The following FLT4 variants were observed in gnomAD, a reference collection of about 807,000 sequenced individuals.
The protein encoded by FLT4 is vascular endothelial growth factor receptor 3.
Under a neutral mutation model 163.2 loss-of-function variants are expected in FLT4, and 30 were observed. The ratio of observed to expected loss-of-function variants is 0.18; its 90% CI spans 0.14 to 0.25. The LOEUF is 0.25. Ranked by LOEUF, FLT4 falls within the 10% of genes least tolerant of loss-of-function variation. The probability of loss-of-function intolerance (pLI) is 1.00; values close to 1 mark genes in which losing one functional copy is unlikely to be tolerated. For synonymous variants in FLT4, 884 were observed against 789.5 expected (o/e 1.12, Z -2.01); for missense variants, 1,510 against 1,863.8 (o/e 0.81, Z 3.50).
In FLT4 at chr5:180,649,430, G is replaced by C. The variant is rs939476976; in HGVS notation, c.58+58C>G. On this transcript the variant is annotated intron_variant, in intron 1 of 29. Transcript: ENST00000261937. ...GTCTCAGCGCCCGCCCCAGGTGCGC[G>C]GTACCCCCTCCCCGGCCAGCCCCAC... 6.8e-6 allele frequency: 9 copies of C among 1,320,876 alleles called. No homozygotes were observed. The African/African-American group carries it at 1.1e-4, about 16-fold the overall frequency. 81.8% of individuals were successfully genotyped at this position (1,320,876 alleles called of 1,614,324 possible). A position where few individuals can be genotyped will look rare whatever the true frequency, so the allele number is the denominator to read the frequency against.
intron 29 of FLT4, among the ~76,000 whole-genome samples, chr5:180,606,926 A>AAAAAAAAAAT: frequency 6.6e-6 from 1 of 150,600 alleles, no homozygotes; most frequent in African/African-American, 2.4e-5. Context: ...CAAACAAACA[A>AAAAAAAAAAT]ACTTAGCTGG....
chr5:180,631,533 AC>A (rs1471655531), intron 2 of FLT4, 148 bp downstream of exon 2: 1 of 700,340 alleles, frequency 1.4e-6, no homozygotes, highest in Non-Finnish European at 2.6e-6. Context: ...GACCGAAGTC[AC>A]CCACAGCCTG....
At position 180,643,750 on chromosome 5, in the gene FLT4, C is replaced by T. The variant is rs1210672818; in HGVS notation, c.58+5738G>A. 7.2e-5 allele frequency among the ~76,000 whole-genome samples: 11 copies of T among 152,210 alleles called. 1 individual carries two copies. The East Asian group carries it at 9.6e-4, about 13-fold the overall frequency. ...GTGCTGCTTCCCCAGCGTCTCACAC[C>T]GAGGCTCCCCACCCAGGACTCCTGC... On this transcript the variant is annotated intron_variant, in intron 1 of 29. Transcript: ENST00000261937.
intron 1 of FLT4, among the ~76,000 whole-genome samples, chr5:180,645,458 C>T (rs1469720146): frequency 2.0e-5 from 3 of 152,228 alleles, no homozygotes; most frequent in African/African-American, 7.2e-5. Flanking sequence ...GGTGGCCCCC[C>T]AGTGCTGCTA....
At chr5:180,646,766 C>T (rs1375598111) in intron 1 of FLT4, among the ~76,000 whole-genome samples, 1 of 152,188 alleles carries the variant, frequency 6.6e-6, no homozygotes, top group Non-Finnish European at 1.5e-5. Context: ...GAACTGCAGG[C>T]TCCTTCCCTG....
intron 11 of FLT4, 79 bp from the exon 12 acceptor site, chr5:180,622,918 G>T: frequency 3.5e-6 from 3 of 849,292 alleles, no homozygotes; most frequent in Non-Finnish European, 3.8e-6. Context: ...CAAGGAGGTC[G>T]CTGTGCACCA....
intron 1 of FLT4, among the ~76,000 whole-genome samples, chr5:180,635,747 G>A (rs1581696454): frequency 2.3e-5 from 1 of 42,868 alleles, no homozygotes; most frequent in East Asian, 8.1e-4. Flanking sequence ...ATGGATGGAT[G>A]GATGGGTGGA....
chr5:180,611,432 T>C lies in FLT4; in HGVS notation c.3585A>G (p.Glu1195=). The change falls in exon 27 of 30, where the codon GAA becomes GAG. Residue 1195 remains glutamate, a synonymous_variant. Coordinates refer to ENST00000261937, the MANE Select transcript of FLT4 (RefSeq NM_182925.5). Reference sequence around the variant, plus strand: ...TGGACACCTGCGAGAAGCTGCCCTCTTCTGAGCTCTGAGAGCTGCGCGGGG... The same window carrying C: ...TGGACACCTGCGAGAAGCTGCCCTCCTCTGAGCTCTGAGAGCTGCGCGGGG... ...CMAPRSSQSS[E]EGSFSQVSTM... 6.2e-7 allele frequency: 1 copy of C among 1,613,976 alleles called. No individual in the cohort carries two copies. The highest frequency in any genetic ancestry group is 8.5e-7 in the Non-Finnish European group (1 of 1,179,968).
In FLT4 at chr5:180,618,886, G is replaced by T; in HGVS notation, c.2885C>A (p.Ala962Asp). Residue 962 changes from alanine to aspartate, a missense_variant, in exon 21 of 30, where the codon GCC (alanine) becomes GAC (aspartate). Ala to Asp is a moderately radical substitution (Grantham distance 126, BLOSUM62 -2). Coordinates refer to ENST00000261937, the MANE Select transcript of FLT4 (RefSeq NM_182925.5). ...ATCCAGCCTGGCGAGCTCCACCATG[G>T]CGCGGAAGCGTCCGCGCTGCTCGGG... ...KSPEQRGRFRAMVELARLDRR... is the reference protein window; with the variant it reads ...KSPEQRGRFRDMVELARLDRR... The T allele has an allele frequency of 6.3e-7, 1 of 1,587,706 alleles. No individual in the cohort carries two copies. The highest frequency in any genetic ancestry group is 8.6e-7 in the Non-Finnish European group (1 of 1,167,796).
At position 180,623,304 on chromosome 5, in the gene FLT4, C is replaced by T. The variant is rs1763316892; in HGVS notation, c.1549-465G>A. Among the ~76,000 whole-genome samples, 1 of 152,108 alleles carries T rather than the reference C, an allele frequency of 6.6e-6. No individual in the cohort carries two copies. Among genetic ancestry groups the T allele is most frequent in the African/African-American group, 2.4e-5 (1 of 41,416 alleles). On this transcript the variant is annotated intron_variant, in intron 11 of 29. Transcript: ENST00000261937. The surrounding 1 kb of genome is among the most constrained non-coding windows in gnomAD (Gnocchi z 5.8). ...CTCAGCCCAGAACTGTCCTCAGCAGCAATCCCGAGGCCCAGGGTTATTGAG... is the reference window on the plus strand; with the variant it reads ...CTCAGCCCAGAACTGTCCTCAGCAGTAATCCCGAGGCCCAGGGTTATTGAG...
At chr5:180,628,493 T>A (rs1340462428) in intron 8 of FLT4, among the ~76,000 whole-genome samples, 1 of 152,128 alleles carries the variant, frequency 6.6e-6, no homozygotes, top group East Asian at 1.9e-4. Flanking sequence ...GACAGAAGGG[T>A]CCTGGGAGAG....
rs1412696082 is a variant in FLT4 at position 180,625,963 on chromosome 5, G to C, written c.1327C>G (p.Leu443Val). ...GGCACCCCGTAGGCCGTGCAGGTGAGGGCCTGGCGGCTGTGACGCGAGTAG... is the reference window on the plus strand; with the variant it reads ...GGCACCCCGTAGGCCGTGCAGGTGACGGCCTGGCGGCTGTGACGCGAGTAG... Reference protein sequence around the residue: ...SIYSRHSRQALTCTAYGVPLP... With the variant: ...SIYSRHSRQAVTCTAYGVPLP... The change falls in exon 10 of 30, where the codon CTC becomes GTC. Residue 443 changes from leucine to valine, a missense_variant. Transcript: ENST00000261937. 1 of 1,612,810 alleles carries C rather than the reference G, an allele frequency of 6.2e-7. No individual in the cohort carries two copies. The highest frequency in any genetic ancestry group is 8.5e-7 in the Non-Finnish European group (1 of 1,179,966).
At chr5:180,625,064 C>T (rs995856955) in intron 10 of FLT4, among the ~76,000 whole-genome samples, 1 of 152,216 alleles carries the variant, frequency 6.6e-6, no homozygotes, top group African/African-American at 2.4e-5. Context: ...GAGCCTCCCC[C>T]ACTGACCACA....
intron 8 of FLT4, 109 bp from the exon 9 acceptor site, chr5:180,626,374 G>T: frequency 8.0e-7 from 1 of 1,253,098 alleles, no homozygotes; most frequent in South Asian, 1.2e-5. Flanking sequence ...GCTGGCAGGA[G>T]TGCAGGGTAG....
At chr5:180,606,029 T>C (rs1374265768) in intron 29 of FLT4, among the ~76,000 whole-genome samples, 1 of 152,202 alleles carries the variant, frequency 6.6e-6, no homozygotes, top group Non-Finnish European at 1.5e-5. Context: ...CATTCTCTCC[T>C]TGCACCTGTT....
intron 21 of FLT4, 119 bp downstream of exon 21, chr5:180,618,651 A>G: frequency 9.2e-7 from 1 of 1,089,052 alleles, no homozygotes; most frequent in South Asian, 1.4e-5. Context: ...CCTAAGGCAG[A>G]GCCCATTCCA....
chr5:180,605,503 T>C (rs1356784600), intron 29 of FLT4, among the ~76,000 whole-genome samples: 1 of 152,208 alleles, frequency 6.6e-6, no homozygotes, highest in Non-Finnish European at 1.5e-5. Flanking sequence ...TAACTTTGTA[T>C]GGAGGGTGCT....
intron 1 of FLT4, 77 bp downstream of exon 1, chr5:180,649,384 CCGCCCGTACCCGGCGGAGCGGTCTCAG>C: frequency 1.2e-6 from 1 of 851,458 alleles, no homozygotes; most frequent in East Asian, 3.6e-5. Context: ...ACCGTGTCCC[CCGCCCGTACCCGGCGGAGCGGTCTCAG>C]CGCCCGCCCC....
chr5:180,627,496 G>A (rs780893721), intron 8 of FLT4, among the ~76,000 whole-genome samples: 12 of 152,232 alleles, frequency 7.9e-5, no homozygotes, highest in South Asian at 4.1e-4. Context: ...TGACAGCAGC[G>A]TGCTGGACAC....
Sources: allele counts gnomAD v4.1 joint callset (sites outside exome capture counted in the v4.1 genomes callset), GRCh38; gene constraint gnomAD v4.1.1; non-coding constraint Gnocchi (gnomAD v3.1); transcripts MANE v1.5; gene names NCBI Gene and HGNC (gene_info 2026-07-23, HGNC 2026-07-21).